Variants in ANO3 observed in about 807,000 individuals in gnomAD.
The protein encoded by ANO3 is anoctamin-3.
A neutral mutation model predicts 144.8 loss-of-function variants in ANO3; 99 were observed. The observed-to-expected ratio is 0.68, with a 90% confidence interval of 0.58 to 0.81. The LOEUF (loss-of-function observed/expected upper bound fraction) is 0.81. Among genes scored for constraint, ANO3 ranks in the 30% least tolerant of loss-of-function variants. The pLI is 0.00. For missense variants in ANO3, 905 were observed against 1,202.2 expected (o/e 0.75, Z 3.66); for synonymous variants, 414 against 392.6 (o/e 1.05, Z -0.64).
chr11:26,246,332 A>C (rs1265445651), intron 1 of ANO3, among the ~76,000 whole-genome samples: 1 of 151,900 alleles, frequency 6.6e-6, no homozygotes, highest in Non-Finnish European at 1.5e-5. Flanking sequence ...GAGTGGTAGT[A>C]TTTTGTACTC....
intron 4 of ANO3, among the ~76,000 whole-genome samples, chr11:26,472,032 T>C (rs543419803): frequency 6.6e-6 from 1 of 152,090 alleles, no homozygotes; most frequent in East Asian, 1.9e-4. Flanking sequence ...CATAGTTTGA[T>C]GGGATGTGAA....
chr11:26,606,655 T>C (rs930865308), intron 17 of ANO3, among the ~76,000 whole-genome samples: 1 of 152,126 alleles, frequency 6.6e-6, no homozygotes, highest in East Asian at 1.9e-4. Flanking sequence ...TTTGAGCCTG[T>C]GTGTGTCCTT....
intron 4 of ANO3, among the ~76,000 whole-genome samples, chr11:26,504,331 T>A (rs1861326927): frequency 6.6e-6 from 1 of 152,192 alleles, no homozygotes; most frequent in Non-Finnish European, 1.5e-5. Flanking sequence ...ACTATGCGTA[T>A]TCTCTTCCTT....
intron 3 of ANO3, among the ~76,000 whole-genome samples, chr11:26,450,896 A>G (rs559314007): frequency 1.4e-4 from 22 of 152,204 alleles, no homozygotes; most frequent in Non-Finnish European, 2.5e-4. Flanking sequence ...TAATTTAGCT[A>G]TTAAAATTTT....
chr11:26,291,651 T>C (rs181923532), intron 1 of ANO3, among the ~76,000 whole-genome samples: 15 of 152,340 alleles, frequency 9.8e-5, no homozygotes, highest in African/African-American at 3.4e-4. Context: ...AGGATTTTAT[T>C]TCTCCTTCAC....
At chr11:26,566,112 GA>G (rs1850572815) in intron 14 of ANO3, among the ~76,000 whole-genome samples, 1 of 151,684 alleles carries the variant, frequency 6.6e-6, no homozygotes, top group Non-Finnish European at 1.5e-5. Context: ...TGCTTCTAGG[GA>G]AATGCCATGC....
intron 4 of ANO3, among the ~76,000 whole-genome samples, chr11:26,505,765 G>A (rs1861401717): frequency 1.3e-5 from 2 of 152,050 alleles, no homozygotes; most frequent in Non-Finnish European, 1.5e-5. Context: ...GAGGCCAGGA[G>A]ATCGAGACCG....
At chr11:26,263,273 T>C (rs192869081) in intron 1 of ANO3, among the ~76,000 whole-genome samples, 1 of 152,304 alleles carries the variant, frequency 6.6e-6, no homozygotes, top group East Asian at 1.9e-4. Context: ...CTTTCTTGCC[T>C]TCAGGACTCT....
chr11:26,282,200 CAT>C (rs1353602742), intron 1 of ANO3, among the ~76,000 whole-genome samples: 1 of 152,072 alleles, frequency 6.6e-6, no homozygotes, highest in African/African-American at 2.4e-5. Flanking sequence ...TGATGCTGTT[CAT>C]ATCATGGAGT....
chr11:26,483,620 C>T (rs556700192), intron 4 of ANO3, among the ~76,000 whole-genome samples: 1 of 152,254 alleles, frequency 6.6e-6, no homozygotes. Context: ...ATACAGCCTG[C>T]AGAACCATGA....
At chr11:26,420,344 T>G (rs1857716332) in intron 1 of ANO3, among the ~76,000 whole-genome samples, 1 of 152,088 alleles carries the variant, frequency 6.6e-6, no homozygotes, top group Admixed American at 6.6e-5. Context: ...TTCTCTGAAG[T>G]TATATACCTG....
At chr11:26,621,464 C>G (rs1409406344) in intron 17 of ANO3, among the ~76,000 whole-genome samples, 1 of 152,094 alleles carries the variant, frequency 6.6e-6, no homozygotes, top group Non-Finnish European at 1.5e-5. Flanking sequence ...TTGGCTCCCT[C>G]CCTCATTGCA....
At chr11:26,253,146 A>G (rs1289891400) in intron 1 of ANO3, among the ~76,000 whole-genome samples, 2 of 152,188 alleles carry the variant, frequency 1.3e-5, no homozygotes, top group Non-Finnish European at 2.9e-5. Context: ...TGGCTATGGT[A>G]CACAGCACTT....
intron 13 of ANO3, among the ~76,000 whole-genome samples, chr11:26,554,059 C>A (rs2134231941): frequency 6.6e-6 from 1 of 152,186 alleles, no homozygotes; most frequent in South Asian, 2.1e-4. Flanking sequence ...ATATCCTCTC[C>A]AAAATTTTCC....
chr11:26,481,474 A>G (rs1188487804), intron 4 of ANO3, among the ~76,000 whole-genome samples: 8 of 152,166 alleles, frequency 5.3e-5, no homozygotes, highest in Non-Finnish European at 1.2e-4. Context: ...TGGGAGTGAA[A>G]TTAAAAAGAT....
intron 1 of ANO3, among the ~76,000 whole-genome samples, chr11:26,293,373 G>T (rs557964388): frequency 6.6e-6 from 1 of 151,216 alleles, no homozygotes; most frequent in South Asian, 2.1e-4. Context: ...CTGTCATTTA[G>T]TGTCATTTAG....
At chr11:26,614,009 C>T (rs1852175152) in intron 17 of ANO3, among the ~76,000 whole-genome samples, 1 of 152,220 alleles carries the variant, frequency 6.6e-6, no homozygotes, top group Non-Finnish European at 1.5e-5. Context: ...GACAGGGTCA[C>T]CACAGGACCA....
intron 1 of ANO3, among the ~76,000 whole-genome samples, chr11:26,210,773 G>T (rs1445680968): frequency 2.2e-5 from 3 of 135,086 alleles, no homozygotes; most frequent in South Asian, 4.8e-4. Flanking sequence ...TCATGATTTG[G>T]TTCTCTGTTT....
intron 3 of ANO3, among the ~76,000 whole-genome samples, chr11:26,451,309 G>T (rs1401212507): frequency 6.6e-6 from 1 of 152,200 alleles, no homozygotes; most frequent in African/African-American, 2.4e-5. Context: ...AGCGCAAGGG[G>T]TCAGGGAGTT....
Sources: gnomAD v4.1 joint callset for allele counts (sites outside exome capture counted in the v4.1 genomes callset) on GRCh38, gnomAD v4.1.1 for gene constraint, MANE v1.5 for transcripts, NCBI Gene and HGNC (gene_info 2026-07-23, HGNC 2026-07-21) for gene names.